CFAP54: variants seen among roughly 807,000 people sequenced by gnomAD.
The protein encoded by CFAP54 is cilia and flagella associated protein 54.
CFAP54 carries 290 observed loss-of-function variants against 370.4 expected under a neutral mutation model. That is an observed-to-expected ratio of 0.78 (90% CI 0.71 to 0.86). The LOEUF is 0.86. Ranked by LOEUF, CFAP54 falls within the 40% of genes least tolerant of loss-of-function variation. CFAP54 has a pLI of 0.00. For missense variants in CFAP54, 3,399 were observed against 3,528.7 expected (o/e 0.96, Z 0.93); for synonymous variants, 1,206 against 1,236.5 (o/e 0.98, Z 0.52).
intron 24 of CFAP54, among the ~76,000 whole-genome samples, chr12:96,593,197 A>G (rs1283571520): frequency 6.6e-6 from 1 of 152,176 alleles, no homozygotes; most frequent in Non-Finnish European, 1.5e-5. Flanking sequence ...CAGTGTGGTT[A>G]TGAACATTGC....
intron 19 of CFAP54, among the ~76,000 whole-genome samples, chr12:96,575,978 C>A (rs2136421132): frequency 6.6e-6 from 1 of 152,156 alleles, no homozygotes; most frequent in African/African-American, 2.4e-5. Flanking sequence ...TTTAGCCCTA[C>A]TTTTGAAATG....
At chr12:96,506,589 C>CTTTTTTTTTTTTTTTTTTTTT (rs71068809) in intron 3 of CFAP54, among the ~76,000 whole-genome samples, 1 of 130,888 alleles carries the variant, frequency 7.6e-6, no homozygotes, top group Non-Finnish European at 1.6e-5. Context: ...CTTTTCTTTT[C>CTTTTTTTTTTTTTTTTTTTTT]TTTTTTTTTT....
At chr12:96,717,048 T>A (rs1359232018) in intron 48 of CFAP54, among the ~76,000 whole-genome samples, 1 of 152,230 alleles carries the variant, frequency 6.6e-6, no homozygotes, top group Non-Finnish European at 1.5e-5. Context: ...CTATATCTCT[T>A]CGCCTATGGA....
intron 5 of CFAP54, among the ~76,000 whole-genome samples, chr12:96,517,001 G>GT (rs35848079): frequency 0.047 from 6,455 of 138,492 alleles, 420 homozygotes; most frequent in African/African-American, 0.15. Flanking sequence ...ACTTTTTAAA[G>GT]TTTTTTTTTT....
chr12:96,737,401 A>G (rs1414302677), intron 50 of CFAP54, among the ~76,000 whole-genome samples: 3 of 151,418 alleles, frequency 2.0e-5, no homozygotes, highest in Non-Finnish European at 2.9e-5. Context: ...ATTGTGGGGA[A>G]AAAAAGGAGA....
chr12:96,642,062 A>C (rs1483217622), intron 32 of CFAP54, among the ~76,000 whole-genome samples: 1 of 151,682 alleles, frequency 6.6e-6, no homozygotes, highest in Non-Finnish European at 1.5e-5. Flanking sequence ...CATTTACCCT[A>C]AAACTTAAAG....
Position 96,546,838 on chromosome 12 carries a change from AAC to A in CFAP54, c.2078-1062_2078-1061del, listed in dbSNP as rs397938260. Among the ~76,000 whole-genome samples, 497 of 150,394 alleles carry A rather than the reference AAC, an allele frequency of 3.3e-3. 3 individuals are homozygous for A. Among genetic ancestry groups the A allele is most frequent in the African/African-American group, 0.012 (480 of 41,044 alleles). ...TGTGAGACTCCATCTCAAAAAAAAA[AAC>A]AACTCTATTTCTTACTTAATGTTAT... On this transcript the variant is annotated intron_variant, in intron 14 of 67. Transcript: ENST00000524981.
At chr12:96,664,184 A>G (rs567838047) in intron 39 of CFAP54, among the ~76,000 whole-genome samples, 4 of 152,176 alleles carry the variant, frequency 2.6e-5, no homozygotes, top group Admixed American at 6.5e-5. Flanking sequence ...GGTTTGTTAC[A>G]TAGGTAAACT....
intron 50 of CFAP54, among the ~76,000 whole-genome samples, chr12:96,726,925 CG>C (rs1957848075): frequency 6.6e-6 from 1 of 152,068 alleles, no homozygotes; most frequent in East Asian, 1.9e-4. Flanking sequence ...GCCTTCATTT[CG>C]TTATGTACCC....
At chr12:96,649,307 C>T (rs761898365) in intron 34 of CFAP54, among the ~76,000 whole-genome samples, 4 of 152,136 alleles carry the variant, frequency 2.6e-5, no homozygotes, top group African/African-American at 9.7e-5. Context: ...TTTTAGTATA[C>T]AGCTTCCTGA....
At chr12:96,590,212 A>G (rs948552773) in intron 23 of CFAP54, among the ~76,000 whole-genome samples, 15 of 152,364 alleles carry the variant, frequency 9.8e-5, no homozygotes, top group African/African-American at 3.4e-4. Context: ...GGTTAAGGTT[A>G]TGGTCTGACA....
chr12:96,832,329 A>G (rs1026162937), intron 66 of CFAP54, among the ~76,000 whole-genome samples: 1 of 151,502 alleles, frequency 6.6e-6, no homozygotes, highest in African/African-American at 2.4e-5. Context: ...ATAATAAAAT[A>G]TACAATTTAT....
chr12:96,685,122 C>T lies in CFAP54; in HGVS notation c.5898C>T (p.Thr1966=). The T allele has an allele frequency of 5.0e-6, 8 of 1,614,120 alleles. No individual in the cohort carries two copies. The highest frequency in any genetic ancestry group is 6.8e-6 in the Non-Finnish European group (8 of 1,180,004). The part of the protein sequence containing the change: ...HTWKEFGPSL[T]NVTNSHSPPG... ...GGAAAGAATTTGGCCCCTCACTCAC[C>T]AATGTCACCAACAGTCATTCACCTC... is the stretch of plus-strand genomic sequence containing the variant. Residue 1966 remains threonine, a synonymous_variant, in exon 42 of 68, where the codon ACC becomes ACT. Coordinates refer to ENST00000524981, the MANE Select transcript of CFAP54 (RefSeq NM_001306084.2).
At chr12:96,821,081 C>T (rs1012685085) in intron 65 of CFAP54, among the ~76,000 whole-genome samples, 1 of 152,086 alleles carries the variant, frequency 6.6e-6, no homozygotes, top group Non-Finnish European at 1.5e-5. Context: ...AGGTCCGTCT[C>T]TTAGCTTTTC....
chr12:96,783,270 C>T (rs144875451), intron 60 of CFAP54, among the ~76,000 whole-genome samples: 3 of 152,160 alleles, frequency 2.0e-5, no homozygotes, highest in East Asian at 1.9e-4. Flanking sequence ...AATTAGAGAG[C>T]GGCTTATAAG....
rs144552309 is a variant in CFAP54 at position 96,781,821 on chromosome 12, A to G, written c.8282-2896A>G. On this transcript the variant is annotated intron_variant, in intron 60 of 67. Transcript: ENST00000524981. ...GAAAAAGTCACTAGATATATTTTCT[A>G]AAACTGATAGTTTAAGAAAATGGTA... 1.1e-4 allele frequency among the ~76,000 whole-genome samples: 16 copies of G among 152,278 alleles called. 1 individual carries two copies. Among genetic ancestry groups the G allele is most frequent in the African/African-American group, 3.8e-4 (16 of 41,592 alleles).
intron 67 of CFAP54, among the ~76,000 whole-genome samples, chr12:96,869,182 G>C (rs1298539159): frequency 6.6e-6 from 1 of 152,086 alleles, no homozygotes; most frequent in African/African-American, 2.4e-5. Context: ...GGAAAGGAAT[G>C]TTTTTATTGA....
chr12:96,821,266 A>C (rs1285947965), intron 65 of CFAP54, among the ~76,000 whole-genome samples: 2 of 152,164 alleles, frequency 1.3e-5, no homozygotes, highest in African/African-American at 4.8e-5. Context: ...GGTTGACTAT[A>C]AATATAAACA....
At chr12:96,810,702 G>A (rs77825001) in intron 63 of CFAP54, among the ~76,000 whole-genome samples, 1,698 of 152,232 alleles carry the variant, frequency 0.011, 27 homozygotes, top group African/African-American at 0.038. Flanking sequence ...GAAGAAGAGC[G>A]GTAGCACAAC....
Sources: allele counts gnomAD v4.1 joint callset (sites outside exome capture counted in the v4.1 genomes callset), GRCh38; gene constraint gnomAD v4.1.1; transcripts MANE v1.5; gene names NCBI Gene and HGNC (gene_info 2026-07-23, HGNC 2026-07-21).